LRFN5: variants seen among roughly 807,000 people sequenced by gnomAD.
LRFN5 encodes the protein leucine-rich repeat and fibronectin type-III domain-containing protein 5.
A neutral mutation model predicts 45.6 loss-of-function variants in LRFN5; 24 were observed. That is an observed-to-expected ratio of 0.53 (90% CI 0.38 to 0.74). LRFN5 has a LOEUF of 0.74. Among genes scored for constraint, LRFN5 ranks in the 30% least tolerant of loss-of-function variants. The probability of loss-of-function intolerance (pLI) is 0.00; values close to 1 mark genes in which losing one functional copy is unlikely to be tolerated. For synonymous variants in LRFN5, 340 were observed against 313.8 expected (o/e 1.08, Z -0.88); for missense variants, 776 against 861.5 (o/e 0.90, Z 1.24).
At chr14:41,674,887 G>A (rs143599709) in intron 1 of LRFN5, among the ~76,000 whole-genome samples, 3,268 of 151,758 alleles carry the variant, frequency 0.022, 39 homozygotes, top group Middle Eastern at 0.034. Flanking sequence ...CTTCTCAGAC[G>A]GAACGGCCGG....
chr14:41,782,974 C>CTTTTTT lies in LRFN5; in HGVS notation c.-21+15956_-21+15961dup, dbSNP rs57305924. On this transcript the variant is annotated intron_variant, in intron 2 of 5. Coordinates refer to ENST00000298119, the MANE Select transcript of LRFN5 (RefSeq NM_152447.5). The stretch of plus-strand genomic sequence containing the variant: ...TACAAGTGTTCCTGTGGTGATACAG[C>CTTTTTT]TTTTTTTTTTTTTTTTCTATTAGAT... Among the ~76,000 whole-genome samples, 1,127 of 127,590 alleles carry CTTTTTT rather than the reference C, an allele frequency of 8.8e-3. 56 individuals are homozygous for CTTTTTT. The highest frequency in any genetic ancestry group is 0.024 in the African/African-American group (813 of 34,090). The allele number at this position is 127,590 out of a possible 152,430, so 83.7% of individuals were successfully genotyped here. A position where few individuals can be genotyped will look rare whatever the true frequency, so the allele number is the denominator to read the frequency against.
At chr14:41,667,504 T>G (rs1277500237) in intron 1 of LRFN5, among the ~76,000 whole-genome samples, 1 of 152,156 alleles carries the variant, frequency 6.6e-6, no homozygotes, top group Non-Finnish European at 1.5e-5. Context: ...GCTAACATGC[T>G]GGACAGGGAA....
At position 41,765,285 on chromosome 14, in the gene LRFN5, T is replaced by A. The variant is rs149341355; in HGVS notation, c.-196-1569T>A. On this transcript the variant is annotated intron_variant, in intron 1 of 5. Transcript: ENST00000298119. The stretch of plus-strand genomic sequence containing the variant: ...TGAACCCGGGAGGCGGAGGTTGCAG[T>A]GAGCCGAGATCGCGCCACTGCACTC... Among the ~76,000 whole-genome samples the A allele has an allele frequency of 6.4e-3, 931 of 144,820 alleles. 13 individuals carry two copies. The highest frequency in any genetic ancestry group is 0.023 in the African/African-American group (892 of 38,514).
intron 2 of LRFN5, among the ~76,000 whole-genome samples, chr14:41,854,487 G>T (rs986050435): frequency 6.6e-6 from 1 of 151,920 alleles, no homozygotes; most frequent in Non-Finnish European, 1.5e-5. Context: ...TTGTGCACAT[G>T]TACCCTAGAA....
In LRFN5 at chr14:41,846,642, T is replaced by G. The variant is rs368523181; in HGVS notation, c.-20-39964T>G. 3.3e-5 allele frequency among the ~76,000 whole-genome samples: 5 copies of G among 152,228 alleles called. No homozygotes were observed. In the East Asian group the frequency reaches 5.8e-4, roughly 18 times the overall value. On this transcript the variant is annotated intron_variant, in intron 2 of 5. Transcript: ENST00000298119. ...TTTGATTTGTCATGTTTATATTTTC[T>G]GCACTTTCCTATATGTATGTTTCTG...
At chr14:41,743,882 C>T (rs7152885) in intron 1 of LRFN5, among the ~76,000 whole-genome samples, 42,304 of 151,692 alleles carry the variant, frequency 0.28, 6,191 homozygotes, top group South Asian at 0.43. Flanking sequence ...AAAAAATGTA[C>T]AAAGATATAA....
intron 3 of LRFN5, 29 bp from the exon 4 acceptor site, chr14:41,891,215 TTATTAA>T (rs1890768238): frequency 1.3e-6 from 2 of 1,544,536 alleles, no homozygotes; most frequent in Non-Finnish European, 1.8e-6. Flanking sequence ...TTTTGTTTTG[TTATTAA>T]TATTAACACA....
At position 41,747,304 on chromosome 14, in the gene LRFN5, T is replaced by A. The variant is rs996268489; in HGVS notation, c.-196-19550T>A. On this transcript the variant is annotated intron_variant, in intron 1 of 5. Transcript: ENST00000298119. Reference sequence around the variant, plus strand: ...AAAACTTACTACAAAGTTACAGTAATCAAAGGATTTTGGTACTGGCATAAA... The same window carrying A: ...AAAACTTACTACAAAGTTACAGTAAACAAAGGATTTTGGTACTGGCATAAA... 8.0e-5 allele frequency among the ~76,000 whole-genome samples: 12 copies of A among 150,382 alleles called. No individual in the cohort carries two copies. The Admixed American group carries it at 8.0e-4, about 10-fold the overall frequency.
chr14:41,795,528 A>G (rs1420820923), intron 2 of LRFN5, among the ~76,000 whole-genome samples: 1 of 152,148 alleles, frequency 6.6e-6, no homozygotes, highest in Non-Finnish European at 1.5e-5. Context: ...AACCAACCCA[A>G]ATGTCCAAAA....
At chr14:41,718,101 G>A (rs1377105073) in intron 1 of LRFN5, among the ~76,000 whole-genome samples, 1 of 152,072 alleles carries the variant, frequency 6.6e-6, no homozygotes, top group East Asian at 1.9e-4. Context: ...TGCATGTAGT[G>A]GAAAAATAAC....
At chr14:41,827,375 G>T (rs867960062) in intron 2 of LRFN5, among the ~76,000 whole-genome samples, 116 of 152,016 alleles carry the variant, frequency 7.6e-4, no homozygotes, top group African/African-American at 2.7e-3. Flanking sequence ...GGCAATGCTG[G>T]AATATAAATT....
intron 1 of LRFN5, among the ~76,000 whole-genome samples, chr14:41,618,500 A>G (rs969509875): frequency 6.6e-6 from 1 of 152,232 alleles, no homozygotes; most frequent in Non-Finnish European, 1.5e-5. Flanking sequence ...GCCAGCTCCA[A>G]TGGCCAGACA....
At chr14:41,624,035 T>C (rs1297393675) in intron 1 of LRFN5, among the ~76,000 whole-genome samples, 1 of 152,106 alleles carries the variant, frequency 6.6e-6, no homozygotes, top group East Asian at 1.9e-4. Flanking sequence ...AGAAATAATC[T>C]CCTGAATTAT....
chr14:41,786,645 GA>G (rs1247246421), intron 2 of LRFN5, among the ~76,000 whole-genome samples: 1 of 150,072 alleles, frequency 6.7e-6, no homozygotes, highest in Non-Finnish European at 1.5e-5. Flanking sequence ...GTGAGGTTGT[GA>G]TTTTTTTTTA....
intron 2 of LRFN5, among the ~76,000 whole-genome samples, chr14:41,871,780 C>T (rs1374058794): frequency 6.6e-6 from 1 of 152,000 alleles, no homozygotes; most frequent in Admixed American, 6.6e-5. Context: ...AAATAGATTA[C>T]CCTAATTAAT....
intron 2 of LRFN5, among the ~76,000 whole-genome samples, chr14:41,884,184 G>C (rs1890484889): frequency 1.3e-5 from 2 of 152,114 alleles, no homozygotes; most frequent in Admixed American, 1.3e-4. Context: ...CTGTGATTTG[G>C]AAGATGTCTC....
In LRFN5 at chr14:41,732,789, A is replaced by G. The variant is rs140512158; in HGVS notation, c.-196-34065A>G. 4.6e-5 allele frequency among the ~76,000 whole-genome samples: 7 copies of G among 152,076 alleles called. No individual in the cohort carries two copies. The East Asian group carries it at 1.3e-3, about 29-fold the overall frequency. ...TGATGGCAGATCTACTAGACAAAAA[A>G]AAAATCTGTATTAAAAATACTCAAA... is the stretch of plus-strand genomic sequence containing the variant. On this transcript the variant is annotated intron_variant, in intron 1 of 5. Transcript: ENST00000298119.
chr14:41,895,739 G>T (rs979483435), intron 4 of LRFN5, among the ~76,000 whole-genome samples: 8 of 151,508 alleles, frequency 5.3e-5, no homozygotes, highest in Admixed American at 5.3e-4. Context: ...AAAGGAGTCA[G>T]TGGGGGTCTC....
intron 1 of LRFN5, among the ~76,000 whole-genome samples, chr14:41,658,563 A>G (rs1015795493): frequency 2.6e-5 from 4 of 152,020 alleles, no homozygotes; most frequent in African/African-American, 7.2e-5. Context: ...ATTTTCTCAT[A>G]TGTAAATAAG....
Sources: gnomAD v4.1 joint callset for allele counts (sites outside exome capture counted in the v4.1 genomes callset) on GRCh38, gnomAD v4.1.1 for gene constraint, MANE v1.5 for transcripts, NCBI Gene and HGNC (gene_info 2026-07-23, HGNC 2026-07-21) for gene names.